The following TG variants were observed in gnomAD, a reference collection of about 807,000 sequenced individuals.
TG encodes the protein thyroid hormones.
A neutral mutation model predicts 324.7 loss-of-function variants in TG; 270 were observed. The observed-to-expected ratio is 0.83, with a 90% confidence interval of 0.75 to 0.92. The LOEUF (loss-of-function observed/expected upper bound fraction) is 0.92. Ranked by LOEUF, TG falls within the 40% of genes least tolerant of loss-of-function variation. TG has a pLI of 0.00. For missense variants in TG, 3,591 were observed against 3,456.4 expected (o/e 1.04, Z -0.98); for synonymous variants, 1,401 against 1,327.0 (o/e 1.06, Z -1.21).
At chr8:133,107,422 C>A in intron 43 of TG, among the ~76,000 whole-genome samples, 1 of 152,212 alleles carries the variant, frequency 6.6e-6, no homozygotes, top group East Asian at 1.9e-4. Flanking sequence ...TTGTGTAATT[C>A]CTGCCTGTAA....
chr8:133,048,294 C>T (rs1839837947), intron 41 of TG, among the ~76,000 whole-genome samples: 1 of 152,076 alleles, frequency 6.6e-6, no homozygotes, highest in Non-Finnish European at 1.5e-5. Flanking sequence ...GACCTTGGTT[C>T]ACTGCATCCT....
intron 8 of TG, among the ~76,000 whole-genome samples, chr8:132,885,389 T>C (rs1815256912): frequency 6.6e-6 from 1 of 152,094 alleles, no homozygotes; most frequent in South Asian, 2.1e-4. Flanking sequence ...TCTAAGTGTG[T>C]ACACTGGGTA....
intron 41 of TG, among the ~76,000 whole-genome samples, chr8:133,091,193 G>T (rs1847458364): frequency 1.3e-5 from 2 of 152,248 alleles, no homozygotes; most frequent in African/African-American, 4.8e-5. Context: ...GCTGGGCACT[G>T]CTGCAAGGGC....
rs1394358692 is a variant in TG at position 132,886,629 on chromosome 8, T to C, written c.1257T>C (p.Ser419=). The C allele has an allele frequency of 6.2e-7, 1 of 1,614,080 alleles. No homozygotes were observed. Among genetic ancestry groups the C allele is most frequent in the African/African-American group, 1.3e-5 (1 of 74,934 alleles). The change falls in exon 9 of 48, where the codon TCT becomes TCC. Residue 419 remains serine, a synonymous_variant. Transcript: ENST00000220616. ...PPTIKELFVD[S]GLLRPMVEGQ... is the part of the protein sequence containing the mutation. Reference sequence around the variant, plus strand: ...CGATCAAGGAGCTCTTTGTGGACTCTGGGCTTCTCCGCCCAATGGTGGAGG... The same window carrying C: ...CGATCAAGGAGCTCTTTGTGGACTCCGGGCTTCTCCGCCCAATGGTGGAGG...
intron 35 of TG, among the ~76,000 whole-genome samples, chr8:133,001,497 C>A (rs870685): frequency 0.58 from 87,636 of 152,096 alleles, 26,668 homozygotes; most frequent in African/African-American, 0.73. Flanking sequence ...ATAACCACAA[C>A]ATTACAAGGA....
intron 44 of TG, among the ~76,000 whole-genome samples, chr8:133,115,825 G>A (rs573337067): frequency 6.6e-6 from 1 of 152,318 alleles, no homozygotes; most frequent in African/African-American, 2.4e-5. Context: ...CACACGCAGG[G>A]CCCCACTCTT....
At chr8:132,881,995 G>C (rs1421615819) in intron 6 of TG, 26 bp downstream of exon 6, 1 of 1,503,470 alleles carries the variant, frequency 6.7e-7, no homozygotes. Context: ...CAGGTGATCT[G>C]AAGGGAGGGA....
chr8:132,886,392 T>A lies in TG; in HGVS notation c.1076-56T>A, dbSNP rs537768360. Reference sequence around the variant, plus strand: ...TACCTAAAGGATCTGAGGAGCTGTCTCAGGATTGCTTGTGACATTAAAACC... The same window carrying A: ...TACCTAAAGGATCTGAGGAGCTGTCACAGGATTGCTTGTGACATTAAAACC... On this transcript the variant is annotated intron_variant, in intron 8 of 47. Coordinates refer to ENST00000220616, the MANE Select transcript of TG (RefSeq NM_003235.5). 15 of 1,610,814 alleles carry A rather than the reference T, an allele frequency of 9.3e-6. No individual in the cohort carries two copies. The South Asian group carries it at 1.7e-4, about 18-fold the overall frequency.
chr8:133,029,718 C>T, intron 40 of TG, 103 bp from the exon 41 acceptor site: 1 of 1,403,886 alleles, frequency 7.1e-7, no homozygotes. Context: ...GAGCCCAGAG[C>T]CCCTGGCGGG....
At chr8:133,133,395 A>C in intron 46 of TG, 75 bp from the exon 47 acceptor site, 1 of 1,420,276 alleles carries the variant, frequency 7.0e-7, no homozygotes, top group Non-Finnish European at 1.0e-6. Flanking sequence ...ACCGAGTGCA[A>C]GTGGGAAGTG....
intron 21 of TG, among the ~76,000 whole-genome samples, chr8:132,921,489 G>A (rs535310630): frequency 9.2e-5 from 14 of 152,292 alleles, no homozygotes; most frequent in African/African-American, 2.2e-4. Context: ...TCATTAACCC[G>A]CATTGAATTA....
At chr8:133,126,164 G>A (rs192193500) in intron 45 of TG, among the ~76,000 whole-genome samples, 3 of 152,252 alleles carry the variant, frequency 2.0e-5, no homozygotes, top group Admixed American at 6.5e-5. Context: ...TTTGGTGCAG[G>A]ATCAGAGGGT....
chr8:132,957,607 G>A (rs1827081450), intron 27 of TG, among the ~76,000 whole-genome samples: 1 of 152,090 alleles, frequency 6.6e-6, no homozygotes, highest in Non-Finnish European at 1.5e-5. Context: ...TGAGACTGCT[G>A]AGAGGTAAAG....
At chr8:133,102,373 C>A in intron 43 of TG, 1 of 558,672 alleles carries the variant, frequency 1.8e-6, no homozygotes. Context: ...CCTCTTACCC[C>A]AAGTCCTGCC....
At chr8:133,073,788 C>T (rs571076946) in intron 41 of TG, among the ~76,000 whole-genome samples, 64 of 152,270 alleles carry the variant, frequency 4.2e-4, no homozygotes, top group African/African-American at 1.5e-3. Context: ...TCCCCCAACC[C>T]TTTAGAGCCC....
At position 132,935,591 on chromosome 8, in the gene TG, T is replaced by G. The variant is rs2739061; in HGVS notation, c.4933-165T>G. On this transcript the variant is annotated intron_variant, in intron 24 of 47. Coordinates refer to ENST00000220616, the MANE Select transcript of TG (RefSeq NM_003235.5). ...TATGTATCTTTGCAGCTAACACTCCTGGCTGCAAGTTACTGCTTACACATC... is the reference window on the plus strand; with the variant it reads ...TATGTATCTTTGCAGCTAACACTCCGGGCTGCAAGTTACTGCTTACACATC... Among the ~76,000 whole-genome samples the G allele has an allele frequency of 0.67, 102,243 of 152,082 alleles. 34,756 individuals are homozygous for G. The highest frequency in any genetic ancestry group is 0.76 in the East Asian group (3,927 of 5,176).
intron 25 of TG, among the ~76,000 whole-genome samples, chr8:132,939,368 G>GT (rs1390532445): frequency 3.3e-5 from 5 of 152,214 alleles, no homozygotes; most frequent in Admixed American, 3.3e-4. Flanking sequence ...ACTCTCTCAA[G>GT]TAGCTTAAAT....
intron 5 of TG, among the ~76,000 whole-genome samples, chr8:132,876,345 T>C (rs1813795441): frequency 6.6e-6 from 1 of 152,160 alleles, no homozygotes; most frequent in African/African-American, 2.4e-5. Flanking sequence ...GAATGACTCC[T>C]AGGTCTGGTT....
At chr8:132,983,725 A>G in intron 35 of TG, 4 of 459,956 alleles carry the variant, frequency 8.7e-6, no homozygotes, top group Non-Finnish European at 1.2e-5. Flanking sequence ...AGTAATGACT[A>G]GACACACACA....
Sources: gnomAD v4.1 joint callset for allele counts (sites outside exome capture counted in the v4.1 genomes callset) on GRCh38, gnomAD v4.1.1 for gene constraint, MANE v1.5 for transcripts, NCBI Gene and HGNC (gene_info 2026-07-23, HGNC 2026-07-21) for gene names.